The following ZFPM2 variants were observed in gnomAD, a reference collection of about 807,000 sequenced individuals.
ZFPM2 encodes the protein zinc finger protein, FOG family member 2.
ZFPM2 carries 20 observed loss-of-function variants against 98.6 expected under a neutral mutation model. That is an observed-to-expected ratio of 0.20 (90% CI 0.14 to 0.29). The LOEUF (loss-of-function observed/expected upper bound fraction) is 0.29. Ranked by LOEUF, ZFPM2 falls within the 10% of genes least tolerant of loss-of-function variation. The pLI, the probability that ZFPM2 is intolerant of heterozygous loss-of-function variation, is 1.00. For synonymous variants in ZFPM2, 518 were observed against 502.7 expected, an observed-to-expected ratio of 1.03 and a Z score of -0.41; for missense variants, 1,310 against 1,388.6, an observed-to-expected ratio of 0.94 and a Z score of 0.90.
intron 4 of ZFPM2, among the ~76,000 whole-genome samples, chr8:105,610,598 G>A (rs1373529119): frequency 6.6e-6 from 1 of 152,016 alleles, no homozygotes; most frequent in Non-Finnish European, 1.5e-5. Flanking sequence ...TCTCAAAGAT[G>A]TTTTTGTTTT....
intron 5 of ZFPM2, among the ~76,000 whole-genome samples, chr8:105,735,630 G>A (rs1294024173): frequency 6.6e-6 from 1 of 151,832 alleles, no homozygotes; most frequent in East Asian, 2.0e-4. Flanking sequence ...ACACAGTCAA[G>A]GTTTCAAAAT....
At chr8:105,439,513 C>T (rs1228996967) in intron 2 of ZFPM2, among the ~76,000 whole-genome samples, 1 of 152,182 alleles carries the variant, frequency 6.6e-6, no homozygotes, top group Non-Finnish European at 1.5e-5. Flanking sequence ...CATAAAACTG[C>T]TTCAATCTGC....
chr8:105,548,845 G>C (rs1432721709), intron 3 of ZFPM2, among the ~76,000 whole-genome samples: 1 of 152,090 alleles, frequency 6.6e-6, no homozygotes, highest in Admixed American at 6.6e-5. Context: ...TAAGGAAAAA[G>C]TCCACATTAG....
chr8:105,385,603 C>T (rs1344394167), intron 1 of ZFPM2, among the ~76,000 whole-genome samples: 1 of 152,132 alleles, frequency 6.6e-6, no homozygotes, highest in East Asian at 1.9e-4. Context: ...CTTAGTGAAA[C>T]ACCTTAAATC....
At chr8:105,554,134 C>T (rs1312124568) in intron 3 of ZFPM2, among the ~76,000 whole-genome samples, 3 of 152,148 alleles carry the variant, frequency 2.0e-5, no homozygotes, top group Non-Finnish European at 4.4e-5. Context: ...CTCTATAAGG[C>T]AATTTGTAGT....
At chr8:105,761,174 C>G (rs1164430868) in intron 5 of ZFPM2, among the ~76,000 whole-genome samples, 1 of 151,978 alleles carries the variant, frequency 6.6e-6, no homozygotes, top group African/African-American at 2.4e-5. Flanking sequence ...TCTCAGTACA[C>G]AGATCCAATG....
intron 3 of ZFPM2, among the ~76,000 whole-genome samples, chr8:105,555,150 C>T (rs779743276): frequency 1.3e-5 from 2 of 151,038 alleles, no homozygotes; most frequent in Non-Finnish European, 2.9e-5. Flanking sequence ...TATGCATTAT[C>T]AAGAAGATAA....
intron 4 of ZFPM2, among the ~76,000 whole-genome samples, chr8:105,563,174 A>G (rs536129148): frequency 1.3e-5 from 2 of 152,330 alleles, no homozygotes; most frequent in South Asian, 4.1e-4. Context: ...CAGCAACATT[A>G]CATTCCTTTT....
intron 5 of ZFPM2, among the ~76,000 whole-genome samples, chr8:105,776,212 G>A (rs1416642916): frequency 1.3e-5 from 2 of 151,990 alleles, no homozygotes; most frequent in Non-Finnish European, 2.9e-5. Flanking sequence ...GGAATGCACC[G>A]GTTTAACCAG....
At chr8:105,592,423 A>G (rs1815870189) in intron 4 of ZFPM2, among the ~76,000 whole-genome samples, 1 of 152,146 alleles carries the variant, frequency 6.6e-6, no homozygotes, top group Admixed American at 6.6e-5. Flanking sequence ...ATTTTGGTGC[A>G]GTTACATTTG....
At chr8:105,381,420 CAG>C (rs1025630564) in intron 1 of ZFPM2, among the ~76,000 whole-genome samples, 2 of 152,046 alleles carry the variant, frequency 1.3e-5, no homozygotes, top group African/African-American at 4.8e-5. Flanking sequence ...GATACCCAAT[CAG>C]AGAATTTGAG....
intron 5 of ZFPM2, among the ~76,000 whole-genome samples, chr8:105,778,206 A>G (rs750096660): frequency 5.3e-5 from 8 of 152,172 alleles, no homozygotes; most frequent in Non-Finnish European, 8.8e-5. Context: ...GTGGTTACGT[A>G]TAGATATATG....
At chr8:105,405,369 T>C (rs936348184) in intron 1 of ZFPM2, among the ~76,000 whole-genome samples, 7 of 151,902 alleles carry the variant, frequency 4.6e-5, no homozygotes, top group Non-Finnish European at 7.4e-5. Flanking sequence ...CATGTTGGTG[T>C]GCTGCACCCA....
intron 3 of ZFPM2, among the ~76,000 whole-genome samples, chr8:105,514,683 G>A (rs930753856): frequency 3.9e-5 from 6 of 152,128 alleles, no homozygotes; most frequent in African/African-American, 1.4e-4. Flanking sequence ...ACCCAGGGAT[G>A]TCTCCTGTTA....
chr8:105,332,434 C>A (rs1487094523), intron 1 of ZFPM2, among the ~76,000 whole-genome samples: 2 of 151,452 alleles, frequency 1.3e-5, no homozygotes, highest in African/African-American at 4.8e-5. Context: ...TTTTAAAAAC[C>A]CACATAATTT....
At chr8:105,545,270 C>T (rs1169119952) in intron 3 of ZFPM2, among the ~76,000 whole-genome samples, 1 of 151,944 alleles carries the variant, frequency 6.6e-6, no homozygotes, top group Non-Finnish European at 1.5e-5. Context: ...TAGGATTGTC[C>T]CTGACTTTTT....
intron 1 of ZFPM2, among the ~76,000 whole-genome samples, chr8:105,380,316 T>C (rs1810821556): frequency 6.6e-6 from 1 of 151,754 alleles, no homozygotes; most frequent in Non-Finnish European, 1.5e-5. Flanking sequence ...GACTCTATTT[T>C]ACTCTGTAGG....
intron 4 of ZFPM2, among the ~76,000 whole-genome samples, chr8:105,613,160 T>C (rs531387554): frequency 1.6e-4 from 24 of 152,264 alleles, no homozygotes; most frequent in Middle Eastern, 6.8e-3. Flanking sequence ...TGTGATTTAA[T>C]TGGAGATTTT....
intron 5 of ZFPM2, among the ~76,000 whole-genome samples, chr8:105,691,739 G>C (rs1450029484): frequency 1.3e-5 from 2 of 152,176 alleles, no homozygotes; most frequent in African/African-American, 4.8e-5. Context: ...AACCCTGTGA[G>C]GGTAGTGATT....
Sources: gnomAD v4.1 joint callset for allele counts (sites outside exome capture counted in the v4.1 genomes callset) on GRCh38, gnomAD v4.1.1 for gene constraint, MANE v1.5 for transcripts, NCBI Gene and HGNC (gene_info 2026-07-23, HGNC 2026-07-21) for gene names.